Variants in PZP observed in about 807,000 individuals in gnomAD.
PZP encodes PZP alpha-2-macroglobulin like.
PZP carries 150 observed loss-of-function variants against 179.8 expected under a neutral mutation model. That is an observed-to-expected ratio of 0.83 (90% CI 0.73 to 0.96). The LOEUF is 0.96. Among genes scored for constraint, PZP ranks in the 40% least tolerant of loss-of-function variants. The pLI is 0.00. For missense variants in PZP, 1,689 were observed against 1,764.0 expected (o/e 0.96, Z 0.76); for synonymous variants, 624 against 652.3 (o/e 0.96, Z 0.66).
the PZP span, among the ~76,000 whole-genome samples, chr12:9,142,514 C>A: frequency 6.6e-6 from 1 of 152,168 alleles, no homozygotes; most frequent in Non-Finnish European, 1.5e-5. Context: ...AGATTAAAGT[C>A]ACGTGAACTG....
chr12:9,157,957 T>TTC (rs941493724), intron 26 of PZP, 116 bp from the exon 27 acceptor site: 24 of 861,412 alleles, frequency 2.8e-5, no homozygotes, highest in South Asian at 4.9e-5. Flanking sequence ...TACCATTTCC[T>TTC]TCTCTCTCTC....
intron 28 of PZP, chr12:9,156,281 G>T (rs893626107): frequency 6.1e-5 from 13 of 212,624 alleles, no homozygotes; most frequent in Non-Finnish European, 1.3e-4. Context: ...TTCAGTGAAG[G>T]CATCTCCACC....
At chr12:9,197,616 ATTTATATATTAT>A in intron 7 of PZP, among the ~76,000 whole-genome samples, 1 of 95,258 alleles carries the variant, frequency 1.0e-5, no homozygotes, top group African/African-American at 4.3e-5. Flanking sequence ...TATATTATAT[ATTTATATATTAT>A]ATTATATATT....
At chr12:9,177,658 G>A (rs1942482471) in intron 15 of PZP, among the ~76,000 whole-genome samples, 2 of 152,146 alleles carry the variant, frequency 1.3e-5, no homozygotes, top group African/African-American at 2.4e-5. Context: ...TTTATATTGG[G>A]TGAACTAATG....
intron 5 of PZP, 110 bp downstream of exon 5, chr12:9,201,217 A>T: frequency 7.5e-7 from 1 of 1,327,782 alleles, no homozygotes; most frequent in Admixed American, 2.1e-5. Flanking sequence ...GAGTAGGAGG[A>T]ATTCAGATCT....
intron 15 of PZP, among the ~76,000 whole-genome samples, chr12:9,177,948 G>A (rs1942500293): frequency 1.3e-5 from 2 of 152,152 alleles, no homozygotes; most frequent in Admixed American, 1.3e-4. Flanking sequence ...ACCAAAGAAA[G>A]CACTCAGAGA....
In PZP at chr12:9,157,360, A is replaced by G. The variant is rs1940837488; in HGVS notation, c.3370-5T>C. On this transcript the variant is annotated splice_region_variant and splice_polypyrimidine_tract_variant and intron_variant, in intron 27 of 35. Coordinates refer to ENST00000261336, the MANE Select transcript of PZP (RefSeq NM_002864.3). The stretch of plus-strand genomic sequence containing the variant: ...GGCATTGCGAACAATAGGGTTCTGT[A>G]AAGGCAAAATGTGGTTGTGTCAAAC... The G allele has an allele frequency of 6.2e-7, 1 of 1,608,898 alleles. No homozygotes were observed. Among genetic ancestry groups the G allele is most frequent in the Non-Finnish European group, 8.5e-7 (1 of 1,177,138 alleles).
intron 11 of PZP, 77 bp downstream of exon 11, chr12:9,194,000 A>G (rs1943601636): frequency 2.3e-6 from 3 of 1,315,272 alleles, no homozygotes; most frequent in African/African-American, 2.9e-5. Flanking sequence ...CTTAAATGCA[A>G]TCTGTACATT....
chr12:9,162,994 T>A (rs1941321256), intron 21 of PZP, among the ~76,000 whole-genome samples: 1 of 152,212 alleles, frequency 6.6e-6, no homozygotes, highest in Non-Finnish European at 1.5e-5. Flanking sequence ...TGTGTTTGCA[T>A]CATTCAGCTC....
intron 13 of PZP, among the ~76,000 whole-genome samples, chr12:9,189,415 G>T (rs1943324529): frequency 1.3e-5 from 2 of 152,268 alleles, no homozygotes; most frequent in African/African-American, 4.8e-5. Flanking sequence ...TCAATAAATG[G>T]TGCTGAGATA....
chr12:9,171,109 A>T (rs2114847), intron 15 of PZP, among the ~76,000 whole-genome samples: 2 of 151,998 alleles, frequency 1.3e-5, no homozygotes, highest in East Asian at 1.9e-4. Flanking sequence ...GCTGGCAACA[A>T]GTTAGTACCC....
chr12:9,138,411 T>C, the PZP span, among the ~76,000 whole-genome samples: 1 of 152,072 alleles, frequency 6.6e-6, no homozygotes, highest in Admixed American at 6.5e-5. Flanking sequence ...TATTTCCTAA[T>C]ATTTTTAAAA....
chr12:9,190,127 G>A (rs1304507282), intron 13 of PZP, among the ~76,000 whole-genome samples: 1 of 152,036 alleles, frequency 6.6e-6, no homozygotes, highest in Non-Finnish European at 1.5e-5. Flanking sequence ...TTTGACCCAA[G>A]AATCCCAGTA....
In PZP at chr12:9,152,300, T is replaced by A. The variant is rs770626531; in HGVS notation, c.4132A>T (p.Asn1378Tyr). Reference protein sequence around the residue: ...QISLTISYTGNRPASNMVIVD... With the variant: ...QISLTISYTGYRPASNMVIVD... ...ATCACCATATTGGAAGCAGGACGGT[T>A]TCCTGTGTAACTGTAGTGTCAAAGG... Residue 1378 changes from asparagine (N) to tyrosine (Y), a missense_variant, in exon 32 of 36, where the codon AAC (asparagine) becomes TAC (tyrosine). Physicochemically the swap from Asn to Tyr is moderately radical, Grantham distance 143 (BLOSUM62 -2). Around this residue, in one of 3 missense-constraint regions of PZP, gnomAD observed 746 missense variants for 749.2 expected, o/e 1.00. Coordinates refer to ENST00000261336, the MANE Select transcript of PZP (RefSeq NM_002864.3). 1 of 1,612,658 alleles carries A rather than the reference T, an allele frequency of 6.2e-7. No individual in the cohort carries two copies. Among genetic ancestry groups the A allele is most frequent in the South Asian group, 1.1e-5 (1 of 91,050 alleles).
rs368432890 is a variant in PZP, at chr12:9,202,700, T to C, written c.268-16A>G. 1 of 1,610,880 alleles carries C rather than the reference T, an allele frequency of 6.2e-7. No homozygotes were observed. ...TCCTTGGGAGCTAAAAAGCAAAGGA[T>C]TTTTTACTACTGAGGAACTGTGCAG... On this transcript the variant is annotated splice_polypyrimidine_tract_variant and intron_variant, in intron 2 of 35. Coordinates refer to ENST00000261336, the MANE Select transcript of PZP (RefSeq NM_002864.3).
chr12:9,164,890 G>T (rs1372423844), intron 19 of PZP, among the ~76,000 whole-genome samples: 1 of 152,194 alleles, frequency 6.6e-6, no homozygotes, highest in Non-Finnish European at 1.5e-5. Context: ...TTGCAGCAAA[G>T]AATTCTGCAA....
intron 15 of PZP, among the ~76,000 whole-genome samples, chr12:9,179,268 A>G (rs144325021): frequency 1.4e-4 from 22 of 152,248 alleles, no homozygotes; most frequent in Non-Finnish European, 1.5e-5. Context: ...TTATTAACCA[A>G]TGTTCACCTT....
the PZP span, among the ~76,000 whole-genome samples, chr12:9,138,128 C>T: frequency 6.6e-6 from 1 of 151,922 alleles, no homozygotes. Flanking sequence ...AACTTTTCAC[C>T]GTTGAGTCTG....
intron 15 of PZP, among the ~76,000 whole-genome samples, chr12:9,176,678 G>A (rs1375684168): frequency 1.3e-5 from 2 of 152,192 alleles, no homozygotes; most frequent in African/African-American, 2.4e-5. Flanking sequence ...GTAAGATTGA[G>A]TCTTAATCAG....
Sources: gnomAD v4.1 joint callset for allele counts (sites outside exome capture counted in the v4.1 genomes callset) on GRCh38, gnomAD v4.1.1 for gene constraint, gnomAD v4.1.1 regional missense constraint, MANE v1.5 for transcripts, NCBI Gene and HGNC (gene_info 2026-07-23, HGNC 2026-07-21) for gene names.